The following SHISAL1 variants were observed in gnomAD, a reference collection of about 807,000 sequenced individuals.
SHISAL1 encodes protein shisa-like-1.
A neutral mutation model predicts 22.6 loss-of-function variants in SHISAL1; 9 were observed. That is an observed-to-expected ratio of 0.40 (90% CI 0.24 to 0.70). The LOEUF (loss-of-function observed/expected upper bound fraction) is 0.70. SHISAL1 is among the 30% of genes least tolerant of loss of function. SHISAL1 has a pLI of 0.39. For missense variants in SHISAL1, 246 were observed against 270.6 expected, an observed-to-expected ratio of 0.91 and a Z score of 0.64; for synonymous variants, 119 against 115.4, an observed-to-expected ratio of 1.03 and a Z score of -0.20.
chr22:44,319,095 A>G, the SHISAL1 span, among the ~76,000 whole-genome samples: 1 of 152,260 alleles, frequency 6.6e-6, no homozygotes, highest in African/African-American at 2.4e-5. Context: ...TGAAGACTCC[A>G]GGCCACGGAG....
At chr22:44,280,751 G>T (rs2055271117) in intron 4 of SHISAL1, among the ~76,000 whole-genome samples, 1 of 152,106 alleles carries the variant, frequency 6.6e-6, no homozygotes, top group Non-Finnish European at 1.5e-5. Context: ...CCCCCATCAG[G>T]TCCTCACAAC....
At chr22:44,291,237 T>C (rs1386106000) in intron 3 of SHISAL1, among the ~76,000 whole-genome samples, 4 of 152,136 alleles carry the variant, frequency 2.6e-5, no homozygotes, top group African/African-American at 7.2e-5. Context: ...GCTTTACACA[T>C]AGAACCAAAG....
the SHISAL1 span, among the ~76,000 whole-genome samples, chr22:44,329,009 C>G: frequency 6.6e-6 from 1 of 152,234 alleles, no homozygotes; most frequent in Non-Finnish European, 1.5e-5. Context: ...CTGGACCAAG[C>G]TCCCCTGGCC....
intron 3 of SHISAL1, among the ~76,000 whole-genome samples, chr22:44,286,733 C>T (rs1050165501): frequency 6.6e-6 from 1 of 152,222 alleles, no homozygotes; most frequent in Non-Finnish European, 1.5e-5. Context: ...CACCCTTCCC[C>T]AGGGCCAGGG....
At chr22:44,293,330 C>T (rs1465698418) in intron 3 of SHISAL1, among the ~76,000 whole-genome samples, 2 of 152,224 alleles carry the variant, frequency 1.3e-5, no homozygotes, top group African/African-American at 4.8e-5. Context: ...GGGATGGGAT[C>T]TCCCCAGGGC....
At chr22:44,303,253 G>A (rs1222804096) in intron 1 of SHISAL1, among the ~76,000 whole-genome samples, 2 of 152,042 alleles carry the variant, frequency 1.3e-5, no homozygotes, top group African/African-American at 4.8e-5. Context: ...GTTATGGTAT[G>A]TGAATTGTGT....
intron 4 of SHISAL1, among the ~76,000 whole-genome samples, chr22:44,280,489 A>G (rs1235114942): frequency 6.6e-6 from 1 of 152,176 alleles, no homozygotes; most frequent in Non-Finnish European, 1.5e-5. Context: ...GGCAGTGTCT[A>G]AAGTCAAGCA....
chr22:44,283,417 A>G (rs1392609231), intron 4 of SHISAL1, among the ~76,000 whole-genome samples: 1 of 152,228 alleles, frequency 6.6e-6, no homozygotes, highest in East Asian at 1.9e-4. Context: ...AGTGCCTGGC[A>G]CACAGCAGGT....
At chr22:44,263,507 AG>A (rs2055140799) in intron 4 of SHISAL1, among the ~76,000 whole-genome samples, 1 of 152,212 alleles carries the variant, frequency 6.6e-6, no homozygotes, top group Non-Finnish European at 1.5e-5. Context: ...GGCCATCCCA[AG>A]GAACACTGCC....
chr22:44,286,560 CT>C (rs1469283548), intron 3 of SHISAL1, among the ~76,000 whole-genome samples: 2 of 152,180 alleles, frequency 1.3e-5, no homozygotes, highest in Non-Finnish European at 2.9e-5. Flanking sequence ...CCTTCCTCCC[CT>C]GCCTACCTCC....
intron 4 of SHISAL1, among the ~76,000 whole-genome samples, chr22:44,270,685 G>C (rs1196757753): frequency 6.6e-6 from 1 of 152,132 alleles, no homozygotes; most frequent in Non-Finnish European, 1.5e-5. Context: ...TGGATGGTCG[G>C]AAAGAAGAGC....
chr22:44,324,038 G>C, the SHISAL1 span, among the ~76,000 whole-genome samples: 111 of 152,350 alleles, frequency 7.3e-4, 1 homozygote, highest in African/African-American at 2.5e-3. Context: ...ACAGCCAGGA[G>C]GAGTGGAGAC....
chr22:44,260,215 C>G (rs1398840974), intron 4 of SHISAL1, among the ~76,000 whole-genome samples: 1 of 152,220 alleles, frequency 6.6e-6, no homozygotes, highest in Admixed American at 6.5e-5. Context: ...AAGTCAGGAG[C>G]CTGTACTGTT....
chr22:44,274,404 G>A (rs1601787011), intron 4 of SHISAL1, among the ~76,000 whole-genome samples: 3 of 152,268 alleles, frequency 2.0e-5, no homozygotes, highest in African/African-American at 7.2e-5. Flanking sequence ...CCTGGACTCA[G>A]GAATCTCCCT....
chr22:44,292,928 A>C (rs1490065609), intron 3 of SHISAL1, among the ~76,000 whole-genome samples: 1 of 152,206 alleles, frequency 6.6e-6, no homozygotes, highest in East Asian at 1.9e-4. Flanking sequence ...CTGGGGTCTT[A>C]TCCCATGCAT....
intron 4 of SHISAL1, among the ~76,000 whole-genome samples, chr22:44,256,301 TG>T (rs1192718305): frequency 6.6e-6 from 1 of 152,104 alleles, no homozygotes; most frequent in Non-Finnish European, 1.5e-5. Flanking sequence ...TTGGCTCTCC[TG>T]GGTCTCAGGC....
chr22:44,298,796 G>A (rs8137762), intron 2 of SHISAL1, among the ~76,000 whole-genome samples: 73,314 of 152,118 alleles, frequency 0.48, 18,598 homozygotes, highest in African/African-American at 0.6. Flanking sequence ...CGGCGAGGTT[G>A]GGGGATGTGG....
intron 4 of SHISAL1, among the ~76,000 whole-genome samples, chr22:44,262,935 A>G (rs1783550606): frequency 6.6e-6 from 1 of 152,188 alleles, no homozygotes; most frequent in Admixed American, 6.5e-5. Context: ...CAGAGGAGTC[A>G]TGAGGCACAA....
At chr22:44,308,459 T>C (rs73432573) in intron 1 of SHISAL1, among the ~76,000 whole-genome samples, 2 of 152,218 alleles carry the variant, frequency 1.3e-5, no homozygotes, top group Non-Finnish European at 2.9e-5. Flanking sequence ...GTGGTGCCTC[T>C]GGGCCTTTAC....
Sources: allele counts gnomAD v4.1 joint callset (sites outside exome capture counted in the v4.1 genomes callset), GRCh38; gene constraint gnomAD v4.1.1; transcripts MANE v1.5; gene names NCBI Gene and HGNC (gene_info 2026-07-23, HGNC 2026-07-21).